SLC23A2: variants seen among roughly 807,000 people sequenced by gnomAD.
SLC23A2 encodes the protein solute carrier family 23 member 2.
Under a neutral mutation model 73.3 loss-of-function variants are expected in SLC23A2, and 36 were observed. That is an observed-to-expected ratio of 0.49 (90% CI 0.38 to 0.65). The LOEUF is 0.65. Among genes scored for constraint, SLC23A2 ranks in the 30% least tolerant of loss-of-function variants. The probability of loss-of-function intolerance (pLI) is 0.00; values close to 1 mark genes in which losing one functional copy is unlikely to be tolerated. For missense variants in SLC23A2, 507 were observed against 841.6 expected, an observed-to-expected ratio of 0.60 and a Z score of 4.92; for synonymous variants, 343 against 327.3, an observed-to-expected ratio of 1.05 and a Z score of -0.52.
chr20:4,983,481 C>T (rs1382983798), intron 1 of SLC23A2, among the ~76,000 whole-genome samples: 4 of 136,104 alleles, frequency 2.9e-5, no homozygotes, highest in Admixed American at 1.4e-4. Flanking sequence ...CCCGTCTCTA[C>T]TAAAAATACA....
At chr20:4,942,582 A>G (rs72552367) in intron 2 of SLC23A2, among the ~76,000 whole-genome samples, 2,970 of 152,324 alleles carry the variant, frequency 0.019, 104 homozygotes, top group African/African-American at 0.067. Context: ...GCTTTTAATC[A>G]GTACTTGTTT....
At chr20:4,969,580 CT>C (rs1201990553) in intron 2 of SLC23A2, among the ~76,000 whole-genome samples, 3,690 of 137,296 alleles carry the variant, frequency 0.027, 80 homozygotes, top group African/African-American at 0.06. Context: ...TGACAGCATC[CT>C]TTTTTTTTTT....
intron 9 of SLC23A2, among the ~76,000 whole-genome samples, chr20:4,875,048 A>T (rs971665883): frequency 3.9e-5 from 6 of 152,238 alleles, no homozygotes; most frequent in African/African-American, 1.2e-4. Context: ...AGGATGCCAG[A>T]TACAACATAA....
chr20:4,901,939 ATCT>A (rs1409230635), intron 5 of SLC23A2, among the ~76,000 whole-genome samples: 14 of 151,466 alleles, frequency 9.2e-5, no homozygotes, highest in African/African-American at 2.7e-4. Flanking sequence ...TGCCCTGAAC[ATCT>A]TCTTTCTTTT....
chr20:4,939,980 C>A (rs2087015475), intron 2 of SLC23A2, among the ~76,000 whole-genome samples: 1 of 147,974 alleles, frequency 6.8e-6, no homozygotes. Flanking sequence ...TCCATTAATA[C>A]CCCCCCAACA....
intron 1 of SLC23A2, among the ~76,000 whole-genome samples, chr20:4,977,704 A>C (rs903956590): frequency 1.1e-4 from 16 of 151,564 alleles, no homozygotes; most frequent in Non-Finnish European, 2.1e-4. Flanking sequence ...TCCCCAAAAA[A>C]AAAAAAAAGA....
intron 2 of SLC23A2, among the ~76,000 whole-genome samples, chr20:4,948,510 G>C (rs1489995208): frequency 5.9e-5 from 9 of 152,314 alleles, no homozygotes; most frequent in African/African-American, 9.6e-5. Flanking sequence ...AGGGAGCTCT[G>C]AGGGATTCAC....
chr20:4,858,907 A>T (rs1929842411), intron 16 of SLC23A2, among the ~76,000 whole-genome samples: 1 of 152,118 alleles, frequency 6.6e-6, no homozygotes, highest in African/African-American at 2.4e-5. Context: ...AGTCTCCCCA[A>T]GCAGAAGTGC....
intron 2 of SLC23A2, among the ~76,000 whole-genome samples, chr20:4,954,533 C>A (rs2087251750): frequency 6.6e-6 from 1 of 151,900 alleles, no homozygotes. Flanking sequence ...CCCGTCTCTA[C>A]TAAAAATACA....
chr20:4,994,757 TC>T (rs1333687901), intron 1 of SLC23A2, among the ~76,000 whole-genome samples: 8 of 145,886 alleles, frequency 5.5e-5, no homozygotes, highest in African/African-American at 1.3e-4. Flanking sequence ...CAAGATTCCG[TC>T]CCCAAAAAAA....
rs753685110 is a variant in SLC23A2 at position 4,899,734 on chromosome 20, G to A, written c.325-22C>T. On this transcript the variant is annotated intron_variant, in intron 5 of 16. Transcript: ENST00000338244. This position sits in a 1 kb window ranked among gnomAD's most constrained non-coding sequence, Gnocchi z 4.9. ...AGTGCTGTGGGCAGGAAAAGGGTCA[G>A]AGGAGAAACAGTAAACCCTTCCTCA... The A allele has an allele frequency of 7.4e-6, 12 of 1,612,072 alleles. No homozygotes were observed. The highest frequency in any genetic ancestry group is 5.1e-6 in the Non-Finnish European group (6 of 1,178,302).
At chr20:4,894,880 T>C (rs1931461418) in intron 6 of SLC23A2, among the ~76,000 whole-genome samples, 1 of 152,198 alleles carries the variant, frequency 6.6e-6, no homozygotes, top group Non-Finnish European at 1.5e-5. Context: ...AGCATTCCAC[T>C]CAGATCAAGA....
chr20:4,917,210 C>T (rs546506472), intron 3 of SLC23A2, among the ~76,000 whole-genome samples: 15 of 152,290 alleles, frequency 9.8e-5, no homozygotes, highest in African/African-American at 3.6e-4. Flanking sequence ...GATGCTAGCA[C>T]TGGACAGCCA....
chr20:4,891,566 T>C (rs1931332497), intron 6 of SLC23A2, among the ~76,000 whole-genome samples: 1 of 152,186 alleles, frequency 6.6e-6, no homozygotes, highest in Non-Finnish European at 1.5e-5. Flanking sequence ...ACACTGGCAG[T>C]GTGGCCAACC....
At chr20:4,914,006 T>C (rs1407107949) in intron 3 of SLC23A2, among the ~76,000 whole-genome samples, 1 of 151,782 alleles carries the variant, frequency 6.6e-6, no homozygotes, top group Admixed American at 6.6e-5. Flanking sequence ...TCAAGGAAAA[T>C]GCACATGTAA....
chr20:5,001,628 G>A (rs1403053632), upstream of SLC23A2: 1 of 149,744 alleles, frequency 6.7e-6, no homozygotes, highest in Non-Finnish European at 1.5e-5. Flanking sequence ...CCCGGGGAGG[G>A]GCTGCTCCCT....
At chr20:4,963,033 G>C (rs991440451) in intron 2 of SLC23A2, among the ~76,000 whole-genome samples, 3 of 152,016 alleles carry the variant, frequency 2.0e-5, no homozygotes, top group South Asian at 2.1e-4. Context: ...GAGGAAAAAG[G>C]CTTCAAAACT....
intron 2 of SLC23A2, among the ~76,000 whole-genome samples, chr20:4,966,277 G>A (rs2087473462): frequency 6.6e-6 from 1 of 152,142 alleles, no homozygotes. Context: ...ATTCAAGTGT[G>A]AGTATGTATT....
chr20:4,962,974 G>C (rs1437424719), intron 2 of SLC23A2, among the ~76,000 whole-genome samples: 1 of 152,246 alleles, frequency 6.6e-6, no homozygotes, highest in South Asian at 2.1e-4. Flanking sequence ...ACTCCAGCCT[G>C]GGTGACAGAG....
Sources: gnomAD v4.1 joint callset for allele counts (sites outside exome capture counted in the v4.1 genomes callset) on GRCh38, gnomAD v4.1.1 for gene constraint, Gnocchi (gnomAD v3.1) non-coding constraint, MANE v1.5 for transcripts, NCBI Gene and HGNC (gene_info 2026-07-23, HGNC 2026-07-21) for gene names.